ALK: variants seen among roughly 807,000 people sequenced by gnomAD.
ALK encodes ALK receptor tyrosine kinase.
ALK carries 74 observed loss-of-function variants against 163.1 expected under a neutral mutation model. The ratio of observed to expected loss-of-function variants is 0.45; its 90% CI spans 0.38 to 0.55. ALK has a LOEUF of 0.55. Ranked by LOEUF, ALK falls within the 20% of genes least tolerant of loss-of-function variation. The probability of loss-of-function intolerance (pLI) is 0.00; values close to 1 mark genes in which losing one functional copy is unlikely to be tolerated. For synonymous variants in ALK, 960 were observed against 843.2 expected, an observed-to-expected ratio of 1.14 and a Z score of -2.40; for missense variants, 2,063 against 2,105.3, an observed-to-expected ratio of 0.98 and a Z score of 0.39.
chr2:29,885,119 C>T (rs576655908), intron 1 of ALK, among the ~76,000 whole-genome samples: 4 of 152,320 alleles, frequency 2.6e-5, no homozygotes, highest in African/African-American at 9.6e-5. Context: ...GTCCTTAATG[C>T]TTTGTCTCTA....
Position 29,214,052 on chromosome 2 carries a change from G to T in ALK, c.3675C>A (p.Asp1225Glu). The T allele has an allele frequency of 6.2e-7, 1 of 1,614,094 alleles. No individual in the cohort carries two copies. Among genetic ancestry groups the T allele is most frequent in the African/African-American group, 1.3e-5 (1 of 75,032 alleles). The change falls in exon 24 of 29, where the codon GAC becomes GAA. Residue 1225 changes from aspartate to glutamate, a missense_variant. Asp to Glu is a conservative substitution (Grantham distance 45). Transcript: ENST00000389048. Reference protein sequence around the residue: ...PSQPSSLAMLDLLHVARDIAC... With the variant: ...PSQPSSLAMLELLHVARDIAC... ...CAATGTCCCGAGCCACGTGCAGAAG[G>T]TCCAGCATGGCCAGGGAGGAGGGCT...
chr2:29,413,273 A>G (rs1669776235), intron 4 of ALK, among the ~76,000 whole-genome samples: 1 of 152,200 alleles, frequency 6.6e-6, no homozygotes, highest in African/African-American at 2.4e-5. Flanking sequence ...TTTTACAGTA[A>G]ACTCTTTTCT....
At chr2:29,784,834 T>C (rs72854209) in intron 1 of ALK, among the ~76,000 whole-genome samples, 4,629 of 152,226 alleles carry the variant, frequency 0.03, 243 homozygotes, top group African/African-American at 0.1. Flanking sequence ...TTATAGTGCC[T>C]CCTAAACCAT....
intron 3 of ALK, among the ~76,000 whole-genome samples, chr2:29,602,723 T>C (rs1675414158): frequency 6.6e-6 from 1 of 152,166 alleles, no homozygotes; most frequent in Non-Finnish European, 1.5e-5. Context: ...TACATAATGA[T>C]GCTAAAGAAG....
intron 3 of ALK, among the ~76,000 whole-genome samples, chr2:29,679,715 T>A (rs187987972): frequency 3.0e-5 from 4 of 134,722 alleles, no homozygotes; most frequent in Non-Finnish European, 5.0e-5. Context: ...TCTTTTAAGA[T>A]GTTAAGAGAA....
At chr2:29,884,491 T>C (rs1666941652) in intron 1 of ALK, among the ~76,000 whole-genome samples, 1 of 152,218 alleles carries the variant, frequency 6.6e-6, no homozygotes. Context: ...GCCATTGCTG[T>C]GGCTACACCT....
intron 11 of ALK, among the ~76,000 whole-genome samples, chr2:29,272,185 G>GGAGGGAGA (rs1553402255): frequency 1.4e-5 from 2 of 145,154 alleles, no homozygotes; most frequent in Non-Finnish European, 3.0e-5. Context: ...GTCGGGTGAG[G>GGAGGGAGA]GAGAGAGAGA....
intron 3 of ALK, among the ~76,000 whole-genome samples, chr2:29,564,589 A>G (rs1177587339): frequency 6.6e-6 from 1 of 152,176 alleles, no homozygotes; most frequent in African/African-American, 2.4e-5. Context: ...CTGCCCTCTC[A>G]TCCACTCCTC....
intron 5 of ALK, among the ~76,000 whole-genome samples, chr2:29,348,298 CTG>C (rs1468169389): frequency 2.0e-5 from 3 of 152,178 alleles, no homozygotes; most frequent in African/African-American, 7.2e-5. Context: ...AATGAATGAA[CTG>C]TGTCTGTAAA....
chr2:29,415,173 T>C (rs1424340639), intron 4 of ALK, among the ~76,000 whole-genome samples: 1 of 150,254 alleles, frequency 6.7e-6, no homozygotes, highest in Non-Finnish European at 1.5e-5. Context: ...ACATGATTCA[T>C]GAGGGATAAT....
intron 13 of ALK, 144 bp downstream of exon 13, chr2:29,239,536 C>T: frequency 9.3e-7 from 1 of 1,077,618 alleles, no homozygotes; most frequent in Non-Finnish European, 1.4e-6. Context: ...TGGGAGTTTG[C>T]AAAGCTGCTG....
chr2:29,213,365 A>C (rs560849706), intron 24 of ALK, among the ~76,000 whole-genome samples: 2 of 152,386 alleles, frequency 1.3e-5, no homozygotes, highest in South Asian at 2.1e-4. Flanking sequence ...GCTTCATTTC[A>C]GAGTATTTTA....
At chr2:29,304,493 TAAAAAAAAAA>T (rs70958256) in intron 8 of ALK, among the ~76,000 whole-genome samples, 82 of 125,440 alleles carry the variant, frequency 6.5e-4, no homozygotes, top group Non-Finnish European at 1.1e-3. Flanking sequence ...AGACTGTGTC[TAAAAAAAAAA>T]AAAAAAAAGA....
intron 11 of ALK, among the ~76,000 whole-genome samples, chr2:29,269,149 G>C (rs1282238740): frequency 6.6e-6 from 1 of 152,202 alleles, no homozygotes; most frequent in East Asian, 1.9e-4. Context: ...GAGTCTGTGA[G>C]AATCAAATGA....
chr2:29,265,111 C>T (rs546751480), intron 11 of ALK, among the ~76,000 whole-genome samples: 18 of 152,270 alleles, frequency 1.2e-4, no homozygotes, highest in Middle Eastern at 6.8e-3. Flanking sequence ...CCTCTGCTTC[C>T]TGGGTTCAAG....
At chr2:29,427,755 A>G (rs1670181434) in intron 4 of ALK, among the ~76,000 whole-genome samples, 1 of 152,112 alleles carries the variant, frequency 6.6e-6, no homozygotes, top group South Asian at 2.1e-4. Context: ...AAAAAGGTAG[A>G]GATTGTCAGA....
intron 3 of ALK, among the ~76,000 whole-genome samples, chr2:29,574,234 C>T (rs545378648): frequency 6.0e-4 from 91 of 152,296 alleles, no homozygotes; most frequent in African/African-American, 2.1e-3. Context: ...TTTGCTCTTA[C>T]CACTGCATCT....
At position 29,702,856 on chromosome 2, in the gene ALK, C is replaced by T. The variant is rs114902879; in HGVS notation, c.788-7842G>A. ...AAAAGCTGCCCCCACGATTCAATTA[C>T]GTCCCACTGGGTCTGTCCCATGACA... On this transcript the variant is annotated intron_variant, in intron 2 of 28. Transcript: ENST00000389048. 5.1e-3 allele frequency among the ~76,000 whole-genome samples: 784 copies of T among 152,352 alleles called. 13 individuals are homozygous for T. The highest frequency in any genetic ancestry group is 0.017 in the African/African-American group (715 of 41,582).
At chr2:29,240,210 G>A (rs1257030701) in intron 12 of ALK, among the ~76,000 whole-genome samples, 1 of 151,316 alleles carries the variant, frequency 6.6e-6, no homozygotes, top group Non-Finnish European at 1.5e-5. Context: ...GCATATTGGG[G>A]TGATGGCTTT....
Sources: allele counts gnomAD v4.1 joint callset (sites outside exome capture counted in the v4.1 genomes callset), GRCh38; gene constraint gnomAD v4.1.1; transcripts MANE v1.5; gene names NCBI Gene and HGNC (gene_info 2026-07-23, HGNC 2026-07-21).